Variants in DIO2 observed in about 807,000 individuals in gnomAD.
The protein encoded by DIO2 is type II iodothyronine deiodinase.
A neutral mutation model predicts 21.4 loss-of-function variants in DIO2; 19 were observed. That is an observed-to-expected ratio of 0.89 (90% CI 0.62 to 1.30). The LOEUF is 1.30. Among genes scored for constraint, DIO2 ranks in the 50% most tolerant of loss-of-function variants. The pLI is 0.00. For synonymous variants in DIO2, 122 were observed against 132.9 expected, an observed-to-expected ratio of 0.92 and a Z score of 0.57; for missense variants, 302 against 338.1, an observed-to-expected ratio of 0.89 and a Z score of 0.84.
In DIO2 at chr14:80,202,684, T is replaced by TA; in HGVS notation, c.*4dup. On this transcript the variant is annotated 3_prime_UTR_variant, in exon 2 of 2. Transcript: ENST00000438257. Reference sequence around the variant, plus strand: ...AAAACAATAAGCTCTCTTATAATCATACCTTTAACCAGCTAATCTAGTTTT... The same window carrying TA: ...AAAACAATAAGCTCTCTTATAATCATAACCTTTAACCAGCTAATCTAGTTTT... The TA allele has an allele frequency of 6.2e-7, 1 of 1,604,894 alleles. No individual in the cohort carries two copies. Among genetic ancestry groups the TA allele is most frequent in the Non-Finnish European group, 8.5e-7 (1 of 1,175,082 alleles).
At chr14:80,228,551 T>C (rs1222161651) in intron 2 of DIO2, among the ~76,000 whole-genome samples, 1 of 152,178 alleles carries the variant, frequency 6.6e-6, no homozygotes, top group African/African-American at 2.4e-5. Flanking sequence ...CTGCAATCCC[T>C]CCAGGGATGT....
chr14:80,202,479 A>G lies in DIO2; in HGVS notation c.*210T>C, dbSNP rs1259830840. 1.3e-6 allele frequency: 1 copy of G among 744,840 alleles called. No homozygotes were observed. The highest frequency in any genetic ancestry group is 2.4e-6 in the Non-Finnish European group (1 of 413,480). 46.1% of individuals were successfully genotyped at this position (744,840 alleles called of 1,614,324 possible). ...ATCTTTTCACATAGGGCTTTTTACT[A>G]AGAAGAGAGGTGATATGGTTACTTA... On this transcript the variant is annotated 3_prime_UTR_variant, in exon 2 of 2. Coordinates refer to ENST00000438257, the MANE Select transcript of DIO2 (RefSeq NM_013989.5).
intron 2 of DIO2, among the ~76,000 whole-genome samples, chr14:80,224,455 G>A (rs1566668667): frequency 1.3e-5 from 2 of 150,640 alleles, no homozygotes; most frequent in East Asian, 2.0e-4. Context: ...GTCCTTAAAT[G>A]CCACCTCATG....
At chr14:80,209,935 T>C (rs1462842678) in intron 1 of DIO2, among the ~76,000 whole-genome samples, 24 of 152,222 alleles carry the variant, frequency 1.6e-4, no homozygotes. Context: ...TCTTGGCGCA[T>C]GGTTTTAGTT....
Position 80,211,462 on chromosome 14 carries a change from A to G in DIO2, c.11T>C (p.Leu4Pro). 6.2e-7 allele frequency: 1 copy of G among 1,605,656 alleles called. No individual in the cohort carries two copies. The highest frequency in any genetic ancestry group is 1.1e-5 in the South Asian group (1 of 89,994). ...CAGTGTGATCAGCAAGTCTACGCTG[A>G]GGATGCCCATCTTCTCTGCCTCCTG... The part of the protein sequence containing the change: MGI[L>P]SVDLLITLQI... Residue 4 changes from leucine to proline, a missense_variant, in exon 1 of 2, where the codon CTC becomes CCC. Transcript: ENST00000438257.
At chr14:80,204,366 G>A (rs1242087429) in intron 1 of DIO2, among the ~76,000 whole-genome samples, 1 of 152,142 alleles carries the variant, frequency 6.6e-6, no homozygotes, top group Non-Finnish European at 1.5e-5. Flanking sequence ...AAGCTCCTCT[G>A]AATTATAAAA....
chr14:80,211,661 CA>C, upstream of DIO2: 1 of 548,696 alleles, frequency 1.8e-6, no homozygotes, highest in South Asian at 2.2e-5. Context: ...GCAGAAATGG[CA>C]AGACTAAGTC....
At chr14:80,214,903 CT>C (rs1387917419), upstream of DIO2, among the ~76,000 whole-genome samples, 10 of 152,258 alleles carry the variant, frequency 6.6e-5, 1 homozygote, top group South Asian at 2.1e-3. Flanking sequence ...ATAAGCCTCA[CT>C]TTTTTTCTTT....
At chr14:80,211,540 G>A, upstream of DIO2, 1 of 866,704 alleles carries the variant, frequency 1.2e-6, no homozygotes, top group East Asian at 3.1e-5. Context: ...TTTAAAAGGG[G>A]GGTGGTGATA....
Position 80,202,014 on chromosome 14 carries a change from C to T in DIO2, c.*675G>A. The T allele has an allele frequency of 1.2e-5, 2 of 173,600 alleles. No individual in the cohort carries two copies. The highest frequency in any genetic ancestry group is 2.4e-5 in the Non-Finnish European group (2 of 82,028). 10.8% of individuals were successfully genotyped at this position (173,600 alleles called of 1,614,324 possible). A position where few individuals can be genotyped will look rare whatever the true frequency, so the allele number is the denominator to read the frequency against. ...CTTGTCAATTTCATTTCTTTTTTAC[C>T]ACTCTCTCCACCTGCCTAGAAATTA... On this transcript the variant is annotated 3_prime_UTR_variant, in exon 2 of 2. Coordinates refer to ENST00000438257, the MANE Select transcript of DIO2 (RefSeq NM_013989.5).
chr14:80,221,630 C>T (rs1025360019), intron 2 of DIO2, among the ~76,000 whole-genome samples: 7 of 152,208 alleles, frequency 4.6e-5, no homozygotes, highest in African/African-American at 1.7e-4. Flanking sequence ...CCATCCAGGT[C>T]ATAAGAATCT....
upstream of DIO2, chr14:80,211,593 AG>A: frequency 2.2e-6 from 1 of 458,146 alleles, no homozygotes; most frequent in Non-Finnish European, 3.8e-6. Context: ...GGGTTGGGGG[AG>A]AAGGGGAAAA....
chr14:80,206,292 C>A, intron 1 of DIO2: 1 of 1,576,108 alleles, frequency 6.3e-7, no homozygotes, highest in South Asian at 1.2e-5. Context: ...ATATACTAGT[C>A]ATAAAATGTG....
chr14:80,214,780 A>G (rs749143059), upstream of DIO2, among the ~76,000 whole-genome samples: 1 of 152,268 alleles, frequency 6.6e-6, no homozygotes, highest in Non-Finnish European at 1.5e-5. Context: ...ATTAAGTAAC[A>G]GAATAATCCT....
chr14:80,208,985 T>C (rs1250701860), intron 1 of DIO2, among the ~76,000 whole-genome samples: 1 of 152,184 alleles, frequency 6.6e-6, no homozygotes, highest in Admixed American at 6.5e-5. Context: ...ACTTGGTCAC[T>C]AATCAAATCA....
intron 2 of DIO2, chr14:80,230,782 T>A (rs550212385): frequency 1.3e-5 from 2 of 152,340 alleles, no homozygotes; most frequent in African/African-American, 4.8e-5. Flanking sequence ...ATGAAAGAAC[T>A]TCATCCTTAA....
chr14:80,216,632 T>A (rs571551760), intron 3 of DIO2: 2 of 152,076 alleles, frequency 1.3e-5, no homozygotes, highest in Non-Finnish European at 2.9e-5. Flanking sequence ...AATTCATTCA[T>A]GACCAAAAAT....
At position 80,198,089 on chromosome 14, in the gene DIO2, C is replaced by T. The variant is rs1594870185; in HGVS notation, c.*4600G>A. ...AGTCTTGAGAGAATTTTCTTTATTT[C>T]CCATCCCCTTCTGTGGGTTTCTTTC... On this transcript the variant is annotated 3_prime_UTR_variant, in exon 2 of 2. Transcript: ENST00000438257. The T allele has an allele frequency of 6.6e-6, 1 of 152,600 alleles. No homozygotes were observed. Among genetic ancestry groups the T allele is most frequent in the African/African-American group, 2.4e-5 (1 of 41,436 alleles). The allele number at this position is 152,600 out of a possible 1,614,324, so 9.5% of individuals were successfully genotyped here.
chr14:80,215,350 A>G (rs1888326578), upstream of DIO2, among the ~76,000 whole-genome samples: 1 of 152,220 alleles, frequency 6.6e-6, no homozygotes, highest in South Asian at 2.1e-4. Flanking sequence ...TAACAAGCAT[A>G]TGAGTCACAA....
Sources: gnomAD v4.1 joint callset for allele counts (sites outside exome capture counted in the v4.1 genomes callset) on GRCh38, gnomAD v4.1.1 for gene constraint, MANE v1.5 for transcripts, NCBI Gene and HGNC (gene_info 2026-07-23, HGNC 2026-07-21) for gene names.